Variants in C3 observed in about 807,000 individuals in gnomAD.
C3 encodes complement C3.
Under a neutral mutation model 207.9 loss-of-function variants are expected in C3, and 97 were observed. That is an observed-to-expected ratio of 0.47 (90% confidence interval 0.40 to 0.55). The LOEUF is 0.55. C3 is among the 20% of genes least tolerant of loss of function. C3 has a pLI of 0.00. For synonymous variants in C3, 848 were observed against 857.6 expected (o/e 0.99, Z 0.20); for missense variants, 1,684 against 2,171.7 (o/e 0.78, Z 4.46).
rs567732463 is a variant in C3 at position 6,719,152 on chromosome 19, A to AGG, written c.267+57_267+58dup. The AGG allele has an allele frequency of 6.1e-6, 8 of 1,313,126 alleles. No homozygotes were observed. Among genetic ancestry groups the AGG allele is most frequent in the Non-Finnish European group, 8.4e-6 (8 of 952,418 alleles). The allele number at this position is 1,313,126 out of a possible 1,614,324, so 81.3% of individuals were successfully genotyped here. A position where few individuals can be genotyped will look rare whatever the true frequency, so the allele number is the denominator to read the frequency against. On this transcript the variant is annotated intron_variant, in intron 2 of 40. Coordinates refer to ENST00000245907, the MANE Select transcript of C3 (RefSeq NM_000064.4). This position sits in a 1 kb window ranked among gnomAD's most constrained non-coding sequence, Gnocchi z 5.4. The stretch of plus-strand genomic sequence containing the variant: ...GACAGAAGGGGAGGGGCTCAGGAGG[A>AGG]GGGGGGGAGTGGGCGTGGCTGTGGG...
chr19:6,707,624 G>C (rs1568223180), intron 15 of C3, 87 bp from the exon 16 acceptor site: 1 of 1,539,314 alleles, frequency 6.5e-7, no homozygotes, highest in Non-Finnish European at 9.0e-7. Flanking sequence ...TGAGGTGGGG[G>C]TGTTCCTGCT....
intron 16 of C3, 40 bp from the exon 17 acceptor site, chr19:6,707,313 G>T: frequency 6.2e-7 from 1 of 1,600,346 alleles, no homozygotes; most frequent in East Asian, 2.3e-5. Flanking sequence ...ACCCTCAGCC[G>T]GGGGCCGGCA....
chr19:6,710,301 G>C (rs1442241361), intron 13 of C3, among the ~76,000 whole-genome samples: 5 of 142,030 alleles, frequency 3.5e-5, no homozygotes, highest in African/African-American at 1.3e-4. Flanking sequence ...AGAGGGGAGA[G>C]AGAGGGAAAG....
chr19:6,708,861 T>C (rs1201782777), intron 14 of C3, among the ~76,000 whole-genome samples: 2 of 151,906 alleles, frequency 1.3e-5, no homozygotes, highest in Non-Finnish European at 2.9e-5. Context: ...TATTTTAAAA[T>C]TTTTTCTGTA....
intron 4 of C3, among the ~76,000 whole-genome samples, chr19:6,714,703 A>T (rs1967996161): frequency 2.0e-5 from 3 of 152,132 alleles, no homozygotes; most frequent in African/African-American, 7.2e-5. Context: ...CTCTACTAAA[A>T]ATACAAAAAT....
At chr19:6,709,888 A>G (rs1967866819) in intron 13 of C3, 46 bp from the exon 14 acceptor site, 2 of 1,485,438 alleles carry the variant, frequency 1.3e-6, no homozygotes, top group African/African-American at 2.8e-5. Context: ...CCTGGGAGAG[A>G]GGAGTGCCTG....
rs375626292 is a variant in C3 at position 6,710,701 on chromosome 19, C to T, written c.1624G>A (p.Gly542Ser). The T allele has an allele frequency of 6.8e-6, 11 of 1,613,534 alleles. No individual in the cohort carries two copies. The highest frequency in any genetic ancestry group is 5.3e-5 in the African/African-American group (4 of 74,912). ...GAGTCGGCCACCACCTCCCTCTGGCCGCTGGCACCGATCAGCGTGTAGTAC... is the reference window on the plus strand; with the variant it reads ...GAGTCGGCCACCACCTCCCTCTGGCTGCTGGCACCGATCAGCGTGTAGTAC... ...VAYYTLIGAS[G>S]QREVVADSVW... Residue 542 changes from glycine to serine, a missense_variant, in exon 13 of 41, where the codon GGC becomes AGC. Around this residue, in one of 3 missense-constraint regions of C3, gnomAD observed 1,280 missense variants for 1,739.1 expected, o/e 0.74. Coordinates refer to ENST00000245907, the MANE Select transcript of C3 (RefSeq NM_000064.4).
At position 6,719,212 on chromosome 19, in the gene C3, G is replaced by A. The variant is rs770111904; in HGVS notation, c.266C>T (p.Thr89Met). The A allele has an allele frequency of 1.2e-6, 2 of 1,613,336 alleles. No homozygotes were observed. The highest frequency in any genetic ancestry group is 8.5e-7 in the Non-Finnish European group (1 of 1,179,366). The stretch of plus-strand genomic sequence containing the variant: ...GGTCCTGCGCCAGTCTGCACTCACC[G>A]TGAAGGTGACGTTGCCCATGTGGTT... ...ATNHMGNVTFTIPANREFKSE... is the reference protein window; with the variant it reads ...ATNHMGNVTFMIPANREFKSE... Residue 89 changes from threonine (T) to methionine (M), a missense_variant and splice_region_variant, in exon 2 of 41, where the codon ACG (threonine) becomes ATG (methionine). Around this residue, in one of 3 missense-constraint regions of C3, gnomAD observed 1,280 missense variants for 1,739.1 expected, o/e 0.74. Transcript: ENST00000245907. This position sits in a 1 kb window ranked among gnomAD's most constrained non-coding sequence, Gnocchi z 5.4.
In C3 at chr19:6,709,702, G is replaced by T. The variant is rs779654263; in HGVS notation, c.1827C>A (p.Asn609Lys). ...CCCTTACCTTACTCTGCGTCAGTTTGTTCTTCTTATTCAGCACGAACACGC... is the reference window on the plus strand; with the variant it reads ...CCCTTACCTTACTCTGCGTCAGTTTTTTCTTCTTATTCAGCACGAACACGC... ...DKGVFVLNKKNKLTQSKIWDV... is the reference protein window; with the variant it reads ...DKGVFVLNKKKKLTQSKIWDV... The change falls in exon 14 of 41, where the codon AAC becomes AAA. Residue 609 changes from asparagine to lysine, a missense_variant. Around this residue, in one of 3 missense-constraint regions of C3, gnomAD observed 1,280 missense variants for 1,739.1 expected, o/e 0.74. Coordinates refer to ENST00000245907, the MANE Select transcript of C3 (RefSeq NM_000064.4). 4 of 1,577,326 alleles carry T rather than the reference G, an allele frequency of 2.5e-6. No individual in the cohort carries two copies. The highest frequency in any genetic ancestry group is 3.5e-6 in the Non-Finnish European group (4 of 1,159,010).
intron 35 of C3, among the ~76,000 whole-genome samples, chr19:6,680,998 A>G (rs1002788440): frequency 6.6e-6 from 1 of 152,106 alleles, no homozygotes; most frequent in African/African-American, 2.4e-5. Context: ...CAGTAGTTTG[A>G]GACCAACTTG....
Position 6,693,492 on chromosome 19 carries a change from AGAG to A in C3, c.3155-8_3155-6del. On this transcript the variant is annotated splice_polypyrimidine_tract_variant and splice_region_variant and intron_variant, in intron 24 of 40. Transcript: ENST00000245907. ...AGGCCAGCTGCTGGGTGTACCCTGC[AGAG>A]AAGAGAGAGGAACCCCCAAAAGAGC... 1 of 1,610,582 alleles carries A rather than the reference AGAG, an allele frequency of 6.2e-7. No homozygotes were observed. Among genetic ancestry groups the A allele is most frequent in the Non-Finnish European group, 8.5e-7 (1 of 1,178,864 alleles).
At chr19:6,716,543 A>T (rs1226075066) in intron 4 of C3, 2 of 152,162 alleles carry the variant, frequency 1.3e-5, no homozygotes, top group Admixed American at 1.3e-4. Flanking sequence ...GCCTTGTATG[A>T]TTTCAACACA....
chr19:6,707,551 G>A lies in C3; in HGVS notation c.1976-14C>T, dbSNP rs753248141. The A allele has an allele frequency of 2.5e-6, 4 of 1,613,808 alleles. No homozygotes were observed. The highest frequency in any genetic ancestry group is 4.5e-5 in the East Asian group (2 of 44,894). ...GGCACTGAAGTTCTGCAGGGCAGGC[G>A]GACCGAGAAGAAGATGGATGAGGCA... On this transcript the variant is annotated splice_polypyrimidine_tract_variant and intron_variant, in intron 15 of 40. Coordinates refer to ENST00000245907, the MANE Select transcript of C3 (RefSeq NM_000064.4).
intron 18 of C3, 42 bp from the exon 19 acceptor site, chr19:6,702,254 G>C: frequency 7.8e-6 from 10 of 1,290,212 alleles, no homozygotes; most frequent in South Asian, 1.2e-5. Flanking sequence ...ATGTCATCTA[G>C]CAGGGTGGTA....
intron 27 of C3, among the ~76,000 whole-genome samples, chr19:6,687,860 CTTTT>C (rs35034584): frequency 7.1e-6 from 1 of 140,262 alleles, no homozygotes; most frequent in Non-Finnish European, 1.6e-5. Flanking sequence ...TTTGTTGTTG[CTTTT>C]TTTTTTTTTT....
chr19:6,692,807 A>C, intron 26 of C3, 117 bp downstream of exon 26: 3 of 1,269,200 alleles, frequency 2.4e-6, no homozygotes, highest in Non-Finnish European at 3.4e-6. Context: ...CCCCCAGCCC[A>C]ATCTTTGCAA....
At chr19:6,689,374 T>TCTCTCTCTCTCTCTCCTCTCTCTCTCTC in intron 27 of C3, among the ~76,000 whole-genome samples, 1 of 116,384 alleles carries the variant, frequency 8.6e-6, no homozygotes, top group African/African-American at 4.1e-5. Flanking sequence ...TCTCTCTCTC[T>TCTCTCTCTCTCTCTCCTCTCTCTCTCTC]CTCTCTCTCT....
chr19:6,708,028 C>T, intron 14 of C3, 99 bp from the exon 15 acceptor site: 1 of 1,416,710 alleles, frequency 7.1e-7, no homozygotes, highest in Non-Finnish European at 9.8e-7. Flanking sequence ...ATGACCCCAC[C>T]CTGTCCCACT....
chr19:6,681,463 T>C (rs553630787), intron 35 of C3, among the ~76,000 whole-genome samples: 1 of 151,856 alleles, frequency 6.6e-6, no homozygotes, highest in Non-Finnish European at 1.5e-5. Flanking sequence ...GGAGGATCCC[T>C]TGAGCCCAGG....
Sources: allele counts gnomAD v4.1 joint callset (sites outside exome capture counted in the v4.1 genomes callset), GRCh38; gene constraint gnomAD v4.1.1; regional missense constraint gnomAD v4.1.1; non-coding constraint Gnocchi (gnomAD v3.1); transcripts MANE v1.5; gene names NCBI Gene and HGNC (gene_info 2026-07-23, HGNC 2026-07-21).